SHARPIN: variants seen among roughly 807,000 people sequenced by gnomAD.
SHARPIN encodes hSIPL1.
SHARPIN carries 25 observed loss-of-function variants against 40.3 expected under a neutral mutation model. That is an observed-to-expected ratio of 0.62 (90% CI 0.45 to 0.87). The LOEUF (loss-of-function observed/expected upper bound fraction) is 0.87, where lower values mean the gene tolerates loss of function less well. Ranked by LOEUF, SHARPIN falls within the 40% of genes least tolerant of loss-of-function variation. The pLI, the probability that SHARPIN is intolerant of heterozygous loss-of-function variation, is 0.00. For missense variants in SHARPIN, 551 were observed against 516.1 expected (o/e 1.07, Z -0.66); for synonymous variants, 274 against 221.8 (o/e 1.24, Z -2.09).
In SHARPIN at chr8:144,102,907, C is replaced by G. The variant is rs986883761; in HGVS notation, c.376+144G>C. 1.9e-5 allele frequency: 19 copies of G among 998,426 alleles called. 1 individual carries two copies. In the South Asian group the frequency reaches 2.7e-4, roughly 14 times the overall value. 61.8% of individuals were successfully genotyped at this position (998,426 alleles called of 1,614,324 possible). On this transcript the variant is annotated intron_variant, in intron 2 of 8. Transcript: ENST00000398712. ...ACTCCAGCAGCCACTCCAAGTACTC[C>G]AAGCTACTCCAGGCTCCACCTACTC...
rs768130430 is a variant in SHARPIN at position 144,099,871 on chromosome 8, C to T, written c.518-27G>A. Reference sequence around the variant, plus strand: ...TGCAGGGTAAGGAAAGGACAGCTGTCACCACTGGGGACTATCTGCTATCCC... The same window carrying T: ...TGCAGGGTAAGGAAAGGACAGCTGTTACCACTGGGGACTATCTGCTATCCC... On this transcript the variant is annotated intron_variant, in intron 3 of 8. Transcript: ENST00000398712. The T allele has an allele frequency of 2.5e-6, 4 of 1,611,462 alleles. No homozygotes were observed. The African/African-American group carries it at 4.0e-5, about 16-fold the overall frequency.
intron 2 of SHARPIN, chr8:144,102,850 C>T: frequency 1.5e-6 from 1 of 664,858 alleles, no homozygotes; most frequent in Non-Finnish European, 2.6e-6. Flanking sequence ...GCAACTTGTG[C>T]TGGCTGGGGC....
intron 1 of SHARPIN, 62 bp downstream of exon 1, chr8:144,103,491 T>A: frequency 3.3e-6 from 5 of 1,495,600 alleles, no homozygotes; most frequent in Non-Finnish European, 4.5e-6. Context: ...GGGGCCTAAC[T>A]TTGGGCTCCG....
intron 2 of SHARPIN, 41 bp from the exon 3 acceptor site, chr8:144,100,110 C>T (rs1453488232): frequency 1.3e-6 from 2 of 1,526,692 alleles, no homozygotes; most frequent in Non-Finnish European, 1.8e-6. Flanking sequence ...TGGCCTCTGT[C>T]CAGGCCTCTA....
chr8:144,099,691 C>A lies in SHARPIN; in HGVS notation c.659+12G>T. 6.2e-7 allele frequency: 1 copy of A among 1,613,478 alleles called. No individual in the cohort carries two copies. The highest frequency in any genetic ancestry group is 8.5e-7 in the Non-Finnish European group (1 of 1,179,822). ...CACGAGGACAAGGTGAAGAAGCAGC[C>A]CCAGGCCTCACCTGATGGGGCCAGG... On this transcript the variant is annotated intron_variant, in intron 4 of 8. Coordinates refer to ENST00000398712, the MANE Select transcript of SHARPIN (RefSeq NM_030974.4).
rs769601165 is a variant in SHARPIN at position 144,099,051 on chromosome 8, C to G, written c.1047+30G>C. Reference sequence around the variant, plus strand: ...GCTCTTTCCAATGCCCATGGCTGTCCTGGCCCTCCCTGCCCAGTCCCGTGC... The same window carrying G: ...GCTCTTTCCAATGCCCATGGCTGTCGTGGCCCTCCCTGCCCAGTCCCGTGC... On this transcript the variant is annotated intron_variant, in intron 7 of 8. Coordinates refer to ENST00000398712, the MANE Select transcript of SHARPIN (RefSeq NM_030974.4). The G allele has an allele frequency of 5.9e-5, 93 of 1,577,154 alleles. 2 individuals are homozygous for G. Among genetic ancestry groups the G allele is most frequent in the East Asian group, 4.3e-4 (19 of 44,700 alleles).
Position 144,099,341 on chromosome 8 carries a change from G to C in SHARPIN, c.858C>G (p.Tyr286Ter). ...CAGGGTCCCCATCCTGCCGAACCCC[G>C]TAAGAGGCAAGGCTGCGCTCAGGCA... ...LCVPERSLAS[Y>*]GVRQDGDPAF... Residue 286 changes from tyrosine to a stop codon, truncating the protein, a stop_gained, in exon 6 of 9, where the codon TAC becomes TAG. Coordinates refer to ENST00000398712, the MANE Select transcript of SHARPIN (RefSeq NM_030974.4). LOFTEE classifies it high-confidence loss of function. 6.2e-7 allele frequency: 1 copy of C among 1,614,090 alleles called. No individual in the cohort carries two copies. Among genetic ancestry groups the C allele is most frequent in the Non-Finnish European group, 8.5e-7 (1 of 1,179,996 alleles).
At chr8:144,101,131 G>A (rs924604825) in intron 2 of SHARPIN, among the ~76,000 whole-genome samples, 2 of 152,106 alleles carry the variant, frequency 1.3e-5, no homozygotes, top group South Asian at 2.1e-4. Flanking sequence ...CACCGCGCCC[G>A]GCCCCTGCCA....
chr8:144,100,133 TC>T, intron 2 of SHARPIN, 64 bp from the exon 3 acceptor site: 1 of 1,509,364 alleles, frequency 6.6e-7, no homozygotes, highest in Non-Finnish European at 8.9e-7. Context: ...CCCTTGGTTT[TC>T]CAGGACCTTT....
intron 2 of SHARPIN, chr8:144,102,749 C>T: frequency 2.0e-6 from 1 of 512,030 alleles, no homozygotes; most frequent in Non-Finnish European, 3.6e-6. Context: ...GGTCCTGACC[C>T]TGCCTGCTCT....
chr8:144,099,893 T>TGCCCCCCC, intron 3 of SHARPIN, 36 bp downstream of exon 3: 1 of 1,550,982 alleles, frequency 6.4e-7, no homozygotes, highest in Non-Finnish European at 8.8e-7. Context: ...CTATCTGCTA[T>TGCCCCCCC]CCCCGAACCC....
At position 144,103,555 on chromosome 8, in the gene SHARPIN, C is replaced by A. The variant is rs1836335552; in HGVS notation, c.199G>T (p.Ala67Ser). 1 of 1,531,728 alleles carries A rather than the reference C, an allele frequency of 6.5e-7. No homozygotes were observed. The highest frequency in any genetic ancestry group is 1.4e-5 in the African/African-American group (1 of 72,888). 94.9% of individuals were successfully genotyped at this position (1,531,728 alleles called of 1,614,324 possible). A position where few individuals can be genotyped will look rare whatever the true frequency, so the allele number is the denominator to read the frequency against. ...RLELLGAGPG[A>S]VNLEWPLESV... ...GCGCGCCCTCCGCCCCCACTCACCG[C>A]CCCAGGTCCCGCGCCCAGCAGCTCC... The change falls in exon 1 of 9, where the codon GCG becomes TCG. Residue 67 changes from alanine to serine, a missense_variant and splice_region_variant. Coordinates refer to ENST00000398712, the MANE Select transcript of SHARPIN (RefSeq NM_030974.4).
chr8:144,100,503 G>C (rs967505072), intron 2 of SHARPIN, among the ~76,000 whole-genome samples: 1 of 152,164 alleles, frequency 6.6e-6, no homozygotes, highest in African/African-American at 2.4e-5. Flanking sequence ...CACTGCCCTG[G>C]GCGTCTTCAG....
intron 2 of SHARPIN, among the ~76,000 whole-genome samples, chr8:144,102,143 T>G (rs1437514475): frequency 1.3e-5 from 2 of 152,128 alleles, no homozygotes; most frequent in Non-Finnish European, 2.9e-5. Context: ...AGCAGGAGGA[T>G]CACCGTAGAC....
chr8:144,098,818 G>A (rs1587608040), intron 8 of SHARPIN, 30 bp from the exon 9 acceptor site: 1 of 1,331,402 alleles, frequency 7.5e-7, no homozygotes. Context: ...TCATTCCTGT[G>A]GATTCTGCCC....
rs758002159 is a variant in SHARPIN at position 144,103,059 on chromosome 8, C to T, written c.368G>A (p.Gly123Glu). The T allele has an allele frequency of 6.2e-7, 1 of 1,613,170 alleles. No individual in the cohort carries two copies. Among genetic ancestry groups the T allele is most frequent in the Non-Finnish European group, 8.5e-7 (1 of 1,179,878 alleles). The change falls in exon 2 of 9, where the codon GGA becomes GAA. Residue 123 changes from glycine (G) to glutamate (E), a missense_variant. By Grantham distance (98) the Gly-to-Glu change is moderately conservative (BLOSUM62 -2). Transcript: ENST00000398712. ...CATTACAGGGCACTGACCATTCTGTCCTTCCACGGTGGCACCTCGGACTAG... is the reference window on the plus strand; with the variant it reads ...CATTACAGGGCACTGACCATTCTGTTCTTCCACGGTGGCACCTCGGACTAG... Reference protein sequence around the residue: ...AVLVRGATVEGQNGSKSNSPP... With the variant: ...AVLVRGATVEEQNGSKSNSPP...
At chr8:144,103,510 C>T (rs1263294847) in intron 1 of SHARPIN, 43 bp downstream of exon 1, 1 of 1,523,112 alleles carries the variant, frequency 6.6e-7, no homozygotes, top group East Asian at 2.5e-5. Flanking sequence ...CGTGCCCTGC[C>T]CGGGCCAAGA....
Position 144,103,594 on chromosome 8 carries a change from C to T in SHARPIN, c.160G>A (p.Gly54Arg), listed in dbSNP as rs1836337767. Residue 54 changes from glycine (G) to arginine (R), a missense_variant, in exon 1 of 9, where the codon GGG (glycine) becomes AGG (arginine). Coordinates refer to ENST00000398712, the MANE Select transcript of SHARPIN (RefSeq NM_030974.4). ...LQLSADPERP[G>R]RFRLELLGAG... ...CCCAGCAGCTCCAGCCGGAAGCGCC[C>T]AGGCCGCTCAGGGTCCGCGCTCAGC... is the stretch of plus-strand genomic sequence containing the variant. The T allele has an allele frequency of 2.6e-6, 4 of 1,531,026 alleles. No individual in the cohort carries two copies. In the South Asian group the frequency reaches 4.8e-5, roughly 18 times the overall value. 94.8% of individuals were successfully genotyped at this position (1,531,026 alleles called of 1,614,324 possible). A position where few individuals can be genotyped will look rare whatever the true frequency, so the allele number is the denominator to read the frequency against.
chr8:144,100,247 T>G (rs1836264078), intron 2 of SHARPIN, among the ~76,000 whole-genome samples, 178 bp from the exon 3 acceptor site: 1 of 152,240 alleles, frequency 6.6e-6, no homozygotes, highest in African/African-American at 2.4e-5. Context: ...CAGAGGCCCC[T>G]GCCAGACTTC....
Sources: gnomAD v4.1 joint callset for allele counts (sites outside exome capture counted in the v4.1 genomes callset) on GRCh38, gnomAD v4.1.1 for gene constraint, MANE v1.5 for transcripts, NCBI Gene and HGNC (gene_info 2026-07-23, HGNC 2026-07-21) for gene names.